The following KCNE2 variants were observed in gnomAD, a reference collection of about 807,000 sequenced individuals.
KCNE2 encodes the protein potassium voltage-gated channel subfamily E regulatory subunit 2, also known as potassium voltage-gated channel subfamily E member 2.
KCNE2 carries 4 observed loss-of-function variants against 4.5 expected under a neutral mutation model. The observed-to-expected ratio is 0.89, with a 90% CI of 0.44 to 2.03. The LOEUF (loss-of-function observed/expected upper bound fraction) is 2.03, where lower values mean the gene tolerates loss of function less well. KCNE2 is among the 30% of genes most tolerant of loss of function. The pLI, the probability that KCNE2 is intolerant of heterozygous loss-of-function variation, is 0.03. For synonymous variants in KCNE2, 57 were observed against 55.9 expected (o/e 1.02, Z -0.09); for missense variants, 137 against 151.4 (o/e 0.90, Z 0.50).
chr21:34,370,962 C>G lies in KCNE2; in HGVS notation c.*112C>G. On this transcript the variant is annotated 3_prime_UTR_variant, in exon 2 of 2. Transcript: ENST00000290310. ...TAGAAGAAAGTGAGTTCCTTGCTCT[C>G]TGTTGAGAATTTTCATGGAGATTAT... 3 of 1,353,752 alleles carry G rather than the reference C, an allele frequency of 2.2e-6. No homozygotes were observed. Among genetic ancestry groups the G allele is most frequent in the Non-Finnish European group, 3.1e-6 (3 of 960,438 alleles). The allele number at this position is 1,353,752 out of a possible 1,614,324, so 83.9% of individuals were successfully genotyped here.
chr21:34,365,355 T>C (rs953594755), intron 1 of KCNE2, among the ~76,000 whole-genome samples: 4 of 152,344 alleles, frequency 2.6e-5, no homozygotes, highest in Admixed American at 6.5e-5. Flanking sequence ...ATGGTAGTTG[T>C]CTTAGCATTA....
chr21:34,370,495 A>G lies in KCNE2; in HGVS notation c.17A>G (p.Asn6Ser), dbSNP rs776661633. The change falls in exon 2 of 2, where the codon AAT (asparagine) becomes AGT (serine). Residue 6 changes from asparagine to serine, a missense_variant. Physicochemically the swap from Asn to Ser is conservative, Grantham distance 46 (BLOSUM62 1). Transcript: ENST00000290310. The part of the protein sequence containing the change: MSTLS[N>S]FTQTLEDVFR... ...GAGGGAAGCATGTCTACTTTATCCA[A>G]TTTCACACAGACGCTGGAAGACGTC... 6.2e-6 allele frequency: 10 copies of G among 1,614,016 alleles called. No homozygotes were observed. The highest frequency in any genetic ancestry group is 8.5e-6 in the Non-Finnish European group (10 of 1,180,036).
Position 34,370,787 on chromosome 21 carries a change from A to G in KCNE2, c.309A>G (p.Leu103=), listed in dbSNP as rs1387119980. ...QEKYKSQILN[L]EESKATIHEN... is the part of the protein sequence containing the mutation. ...AGTACAAGAGCCAAATCTTGAATCT[A>G]GAAGAATCGAAGGCCACCATCCATG... is the stretch of plus-strand genomic sequence containing the variant. The change falls in exon 2 of 2, where the codon CTA becomes CTG. Residue 103 remains leucine (L), a synonymous_variant. Coordinates refer to ENST00000290310, the MANE Select transcript of KCNE2 (RefSeq NM_172201.2). 90 of 1,614,132 alleles carry G rather than the reference A, an allele frequency of 5.6e-5. No individual in the cohort carries two copies. Among genetic ancestry groups the G allele is most frequent in the Non-Finnish European group, 6.8e-5 (80 of 1,180,050 alleles).
At chr21:34,365,663 G>A (rs1048344253) in intron 1 of KCNE2, among the ~76,000 whole-genome samples, 2 of 152,168 alleles carry the variant, frequency 1.3e-5, no homozygotes, top group South Asian at 2.1e-4. Context: ...GGGTTCAAGC[G>A]ATCCTCCCAC....
In KCNE2 at chr21:34,370,590, C is replaced by A. The variant is rs554011844; in HGVS notation, c.112C>A (p.Gln38Lys). Reference protein sequence around the residue: ...QNTTAEQEALQAKVDAENFYY... With the variant: ...QNTTAEQEALKAKVDAENFYY... ...CACAACAGCTGAGCAAGAGGCCCTC[C>A]AAGCCAAAGTTGATGCTGAGAACTT... Residue 38 changes from glutamine (Q) to lysine (K), a missense_variant, in exon 2 of 2, where the codon CAA becomes AAA. Coordinates refer to ENST00000290310, the MANE Select transcript of KCNE2 (RefSeq NM_172201.2). 2.5e-6 allele frequency: 4 copies of A among 1,614,072 alleles called. No individual in the cohort carries two copies. The highest frequency in any genetic ancestry group is 3.4e-6 in the Non-Finnish European group (4 of 1,180,032).
At chr21:34,368,590 A>G (rs1299501726) in intron 1 of KCNE2, among the ~76,000 whole-genome samples, 1 of 151,898 alleles carries the variant, frequency 6.6e-6, no homozygotes, top group East Asian at 1.9e-4. Context: ...ACAGAGCGAG[A>G]CTCCGTCTCA....
At chr21:34,365,930 A>G (rs1468045710) in intron 1 of KCNE2, among the ~76,000 whole-genome samples, 2 of 152,194 alleles carry the variant, frequency 1.3e-5, no homozygotes, top group Non-Finnish European at 2.9e-5. Context: ...TCAAAAGCCA[A>G]ATCCCTTTTG....
At chr21:34,366,491 G>C (rs907236267) in intron 1 of KCNE2, among the ~76,000 whole-genome samples, 4 of 150,152 alleles carry the variant, frequency 2.7e-5, no homozygotes, top group African/African-American at 9.8e-5. Context: ...TTTTAGTAAA[G>C]ATTTGCTACG....
At chr21:34,369,057 C>T (rs975659893) in intron 1 of KCNE2, among the ~76,000 whole-genome samples, 2 of 151,898 alleles carry the variant, frequency 1.3e-5, no homozygotes, top group African/African-American at 2.4e-5. Context: ...GATAATGTCC[C>T]GAGGAAAGAG....
At chr21:34,368,232 A>AC (rs1322748846) in intron 1 of KCNE2, among the ~76,000 whole-genome samples, 40 of 36,478 alleles carry the variant, frequency 1.1e-3, no homozygotes, top group African/African-American at 2.7e-3. Context: ...CACACACAAT[A>AC]TATATATATA....
At chr21:34,369,752 G>A (rs925984042) in intron 1 of KCNE2, among the ~76,000 whole-genome samples, 4 of 152,190 alleles carry the variant, frequency 2.6e-5, no homozygotes, top group Non-Finnish European at 4.4e-5. Flanking sequence ...CTCTCAGATT[G>A]TTTCTTGGCA....
intron 1 of KCNE2, among the ~76,000 whole-genome samples, chr21:34,365,324 A>C (rs7281066): frequency 0.37 from 56,630 of 152,144 alleles, 11,921 homozygotes; most frequent in African/African-American, 0.58. Flanking sequence ...TGGCTATTTC[A>C]TATAATTCCA....
At chr21:34,366,534 A>AGAT (rs1979300002) in intron 1 of KCNE2, among the ~76,000 whole-genome samples, 2 of 152,138 alleles carry the variant, frequency 1.3e-5, no homozygotes, top group African/African-American at 2.4e-5. Flanking sequence ...CGGGATTCAG[A>AGAT]GATGAGTAAA....
chr21:34,367,159 CAAAA>C (rs35381423), intron 1 of KCNE2, among the ~76,000 whole-genome samples: 17 of 79,746 alleles, frequency 2.1e-4, no homozygotes, highest in Non-Finnish European at 3.5e-4. Flanking sequence ...GACCCCATCT[CAAAA>C]AAAAAAAAAA....
In KCNE2 at chr21:34,368,229, AATATATATAT is replaced by A. The variant is rs10596236; in HGVS notation, c.-12-2215_-12-2206del. Among the ~76,000 whole-genome samples, 120 of 84,794 alleles carry A rather than the reference AATATATATAT, an allele frequency of 1.4e-3. 2 individuals are homozygous for A. The highest frequency in any genetic ancestry group is 5.9e-3 in the Admixed American group (42 of 7,162). The allele number at this position is 84,794 out of a possible 152,430, so 55.6% of individuals were successfully genotyped here. ...CACACACACACACACACACACACAC[AATATATATAT>A]ATATATATATATATATATATATGTA... On this transcript the variant is annotated intron_variant, in intron 1 of 1. Transcript: ENST00000290310.
At chr21:34,367,176 A>G (rs1372682058) in intron 1 of KCNE2, among the ~76,000 whole-genome samples, 4 of 148,186 alleles carry the variant, frequency 2.7e-5, no homozygotes, top group Admixed American at 6.7e-5. Flanking sequence ...AAAAAAAAAA[A>G]AAAGTCTGGC....
Position 34,371,126 on chromosome 21 carries a change from A to G in KCNE2, c.*276A>G, listed in dbSNP as rs1979574377. 6.1e-6 allele frequency: 3 copies of G among 492,260 alleles called. No individual in the cohort carries two copies. In the South Asian group the frequency reaches 7.2e-5, roughly 12 times the overall value. The allele number at this position is 492,260 out of a possible 1,614,324, so 30.5% of individuals were successfully genotyped here. A position where few individuals can be genotyped will look rare whatever the true frequency, so the allele number is the denominator to read the frequency against. On this transcript the variant is annotated 3_prime_UTR_variant, in exon 2 of 2. Transcript: ENST00000290310. Reference sequence around the variant, plus strand: ...TTTAATCAATATCAATGATGAAAATAAAGCCAAATTTGAAGTAAAGTGTCT... The same window carrying G: ...TTTAATCAATATCAATGATGAAAATGAAGCCAAATTTGAAGTAAAGTGTCT...
chr21:34,368,227 ACAATAT>A (rs1313528766), intron 1 of KCNE2, among the ~76,000 whole-genome samples: 15 of 56,400 alleles, frequency 2.7e-4, no homozygotes, highest in Middle Eastern at 7.9e-3. Flanking sequence ...ACACACACAC[ACAATAT>A]ATATATATAT....
rs375591628 is a variant in KCNE2, at chr21:34,365,174, C to T, written c.-13+1023C>T. On this transcript the variant is annotated intron_variant, in intron 1 of 1. Transcript: ENST00000290310. Reference sequence around the variant, plus strand: ...TCTAGGCTATAGTTATTCCACCTATCAGAGAGCAAACCAGCCTAAATGATC... The same window carrying T: ...TCTAGGCTATAGTTATTCCACCTATTAGAGAGCAAACCAGCCTAAATGATC... Among the ~76,000 whole-genome samples, 131 of 152,266 alleles carry T rather than the reference C, an allele frequency of 8.6e-4. 2 individuals are homozygous for T. The South Asian group carries it at 0.026, about 30-fold the overall frequency.
Sources: gnomAD v4.1 joint callset for allele counts (sites outside exome capture counted in the v4.1 genomes callset) on GRCh38, gnomAD v4.1.1 for gene constraint, MANE v1.5 for transcripts, NCBI Gene and HGNC (gene_info 2026-07-23, HGNC 2026-07-21) for gene names.